The following PHKA1 variants were observed in gnomAD, a reference collection of about 807,000 sequenced individuals.
PHKA1 encodes phosphorylase b kinase regulatory subunit alpha, skeletal muscle isoform.
A neutral mutation model predicts 110.2 loss-of-function variants in PHKA1; 60 were observed. That is an observed-to-expected ratio of 0.54 (90% confidence interval 0.44 to 0.68). The LOEUF (loss-of-function observed/expected upper bound fraction) is 0.68, where lower values mean the gene tolerates loss of function less well. PHKA1 is among the 30% of genes least tolerant of loss of function. The pLI is 0.00. For missense variants in PHKA1, 801 were observed against 942.5 expected (o/e 0.85, Z 1.97); for synonymous variants, 316 against 333.6 (o/e 0.95, Z 0.58).
At chrX:72,621,517 T>C (rs1556277762) in intron 18 of PHKA1, among the ~76,000 whole-genome samples, 26 of 111,547 alleles carry the variant, frequency 2.3e-4, no homozygotes. Flanking sequence ...CATACATATA[T>C]CCTGTGGAAG....
chrX:72,591,423 C>T (rs1329263219), intron 29 of PHKA1, among the ~76,000 whole-genome samples: 2 of 107,947 alleles, frequency 1.9e-5, no homozygotes, highest in Non-Finnish European at 3.8e-5. Flanking sequence ...GGGTGGGGGG[C>T]GAGGGGAGGG....
At chrX:72,693,203 T>G (rs1269267502) in intron 4 of PHKA1, among the ~76,000 whole-genome samples, 6 of 111,862 alleles carry the variant, frequency 5.4e-5, no homozygotes, top group Non-Finnish European at 7.5e-5. Flanking sequence ...CTTTCAAATT[T>G]ATTGAGGCTA....
intron 7 of PHKA1, among the ~76,000 whole-genome samples, chrX:72,667,103 C>T (rs182026848): frequency 1.1e-3 from 121 of 112,219 alleles, no homozygotes; most frequent in Non-Finnish European, 1.9e-3. Context: ...GACCATATCC[C>T]TTTGATATGA....
intron 29 of PHKA1, among the ~76,000 whole-genome samples, chrX:72,589,684 G>A (rs1254278153): frequency 9.3e-6 from 1 of 107,164 alleles, no homozygotes; most frequent in African/African-American, 3.3e-5. Flanking sequence ...AAACCCCATC[G>A]TCTCAGCCCA....
chrX:72,611,901 A>C (rs1315794745), intron 21 of PHKA1, among the ~76,000 whole-genome samples: 1 of 112,037 alleles, frequency 8.9e-6, no homozygotes, highest in African/African-American at 3.2e-5. Context: ...TATTGAAAAT[A>C]TTTAAAAACA....
At chrX:72,622,439 T>C (rs868956035) in intron 18 of PHKA1, 1 of 753,982 alleles carries the variant, frequency 1.3e-6, no homozygotes. Flanking sequence ...TTATTGGCCC[T>C]TCTCTGTATG....
At chrX:72,669,895 C>G (rs1198883017) in intron 6 of PHKA1, among the ~76,000 whole-genome samples, 1 of 110,630 alleles carries the variant, frequency 9.0e-6, no homozygotes, top group Non-Finnish European at 1.9e-5. Flanking sequence ...GGTATATACC[C>G]AGTAATGGGA....
In PHKA1 at chrX:72,635,211, C is replaced by T. The variant is rs782716142; in HGVS notation, c.1658G>A (p.Arg553His). The T allele has an allele frequency of 2.2e-5, 27 of 1,209,730 alleles. No individual in the cohort carries two copies. Among genetic ancestry groups the T allele is most frequent in the Middle Eastern group, 2.3e-4 (1 of 4,312 alleles). ...GGTGGGCTGGCCTGTCATCCGCCAGCGGCTACAGAGGTAGGAGAGGTCTGT... is the reference window on the plus strand; with the variant it reads ...GGTGGGCTGGCCTGTCATCCGCCAGTGGCTACAGAGGTAGGAGAGGTCTGT... ...LRTDLSYLCS[R>H]WRMTGQPTIT... The change falls in exon 16 of 32, where the codon CGC (arginine) becomes CAC (histidine). Residue 553 changes from arginine (R) to histidine (H), a missense_variant. Around this residue, in one of 2 missense-constraint regions of PHKA1, gnomAD observed 299 missense variants for 423.3 expected, o/e 0.71. Transcript: ENST00000373542.
At chrX:72,692,480 G>T (rs1028775393) in intron 4 of PHKA1, among the ~76,000 whole-genome samples, 2 of 111,615 alleles carry the variant, frequency 1.8e-5, no homozygotes, top group Non-Finnish European at 3.8e-5. Flanking sequence ...TTACTTCTCT[G>T]TGGAAAGATT....
intron 3 of PHKA1, among the ~76,000 whole-genome samples, chrX:72,701,575 C>T (rs148108841): frequency 0.014 from 1,602 of 111,098 alleles, 37 homozygotes; most frequent in African/African-American, 0.049. Flanking sequence ...AAAAATTAGC[C>T]GGGCACAGTG....
At chrX:72,696,788 T>A (rs369114603) in intron 3 of PHKA1, among the ~76,000 whole-genome samples, 1 of 111,329 alleles carries the variant, frequency 9.0e-6, no homozygotes, top group South Asian at 3.9e-4. Flanking sequence ...GTCTCAGATT[T>A]TCAGGGTTCA....
Position 72,656,162 on chromosome X carries a change from T to G in PHKA1, c.999A>C (p.Thr333=), listed in dbSNP as rs781827232. Residue 333 remains threonine, a synonymous_variant, in exon 10 of 32, where the codon ACA becomes ACC. Transcript: ENST00000373542. ...TGAAGACCCCATCAAGAATAAAGTA[T>G]GTCCAGAACAATGGCCATTCACACT... ...NIECEWPLFW[T]YFILDGVFSG... is the part of the protein sequence containing the mutation. 1 of 1,210,141 alleles carries G rather than the reference T, an allele frequency of 8.3e-7. No individual in the cohort carries two copies.
At position 72,626,189 on chromosome X, in the gene PHKA1, GA is replaced by G. The variant is rs1305130679; in HGVS notation, c.1793+781del. Among the ~76,000 whole-genome samples the G allele has an allele frequency of 1.0e-4, 11 of 109,082 alleles. No individual in the cohort carries two copies. The East Asian group carries it at 3.2e-3, about 31-fold the overall frequency. 94.7% of individuals were successfully genotyped at this position (109,082 alleles called of 115,157 possible). On this transcript the variant is annotated intron_variant, in intron 17 of 31. Coordinates refer to ENST00000373542, the MANE Select transcript of PHKA1 (RefSeq NM_002637.4). ...GGGAGGAAGAGAGAAAGGAAGGGGG[GA>G]AAGGCAGGAAGGGAGGGAAGGGAAG...
chrX:72,608,890 T>A, intron 23 of PHKA1, among the ~76,000 whole-genome samples: 1 of 112,032 alleles, frequency 8.9e-6, no homozygotes, highest in East Asian at 2.8e-4. Flanking sequence ...AAAAACAGAT[T>A]CTTCAGATCA....
At chrX:72,635,439 C>A (rs1556291127) in intron 15 of PHKA1, 140 bp from the exon 16 acceptor site, 9 of 554,273 alleles carry the variant, frequency 1.6e-5, no homozygotes, top group South Asian at 6.0e-5. Flanking sequence ...CTAATACATT[C>A]CAAAGTATCT....
chrX:72,628,166 TA>T (rs1409737879), intron 16 of PHKA1, among the ~76,000 whole-genome samples: 8 of 110,832 alleles, frequency 7.2e-5, no homozygotes, highest in Non-Finnish European at 1.3e-4. Flanking sequence ...AATAATCTTT[TA>T]AATTTTTCTT....
chrX:72,670,929 C>T lies in PHKA1; in HGVS notation c.619-3456G>A, dbSNP rs188054168. On this transcript the variant is annotated intron_variant, in intron 6 of 31. Coordinates refer to ENST00000373542, the MANE Select transcript of PHKA1 (RefSeq NM_002637.4). ...CTCAATAAATTAGGTATCGATGGGACGTATCTCAAAATAATAAGAGCTATC... is the reference window on the plus strand; with the variant it reads ...CTCAATAAATTAGGTATCGATGGGATGTATCTCAAAATAATAAGAGCTATC... 8.4e-3 allele frequency among the ~76,000 whole-genome samples: 935 copies of T among 111,605 alleles called. 4 individuals are homozygous for T. Among genetic ancestry groups the T allele is most frequent in the Non-Finnish European group, 0.013 (704 of 53,124 alleles).
chrX:72,685,193 C>T (rs1289941628), intron 4 of PHKA1, among the ~76,000 whole-genome samples: 6 of 111,124 alleles, frequency 5.4e-5, no homozygotes, highest in Non-Finnish European at 9.5e-5. Context: ...ATAGTGGAAC[C>T]GGGACTCAAT....
intron 25 of PHKA1, 147 bp from the exon 26 acceptor site, chrX:72,603,367 T>A: frequency 2.2e-6 from 1 of 460,735 alleles, no homozygotes; most frequent in South Asian, 3.2e-5. Context: ...AGCACCCTAC[T>A]GCTTAGGTAT....
Sources: allele counts gnomAD v4.1 joint callset (sites outside exome capture counted in the v4.1 genomes callset), GRCh38; gene constraint gnomAD v4.1.1; regional missense constraint gnomAD v4.1.1; transcripts MANE v1.5; gene names NCBI Gene and HGNC (gene_info 2026-07-23, HGNC 2026-07-21).